AKT3: variants seen among roughly 807,000 people sequenced by gnomAD.
AKT3 encodes the protein AKT serine/threonine kinase 3, also known as RAC-gamma serine/threonine-protein kinase.
Under a neutral mutation model 65.3 loss-of-function variants are expected in AKT3, and 15 were observed. The observed-to-expected ratio is 0.23, with a 90% CI of 0.15 to 0.35. AKT3 has a LOEUF of 0.35. Among genes scored for constraint, AKT3 ranks in the 10% least tolerant of loss-of-function variants. The pLI is 1.00. For missense variants in AKT3, 243 were observed against 576.5 expected (o/e 0.42, Z 5.92); for synonymous variants, 206 against 183.8 (o/e 1.12, Z -0.98).
downstream of AKT3, among the ~76,000 whole-genome samples, chr1:243,498,903 C>T (rs1401521016): frequency 6.6e-6 from 1 of 152,236 alleles, no homozygotes; most frequent in Non-Finnish European, 1.5e-5. Flanking sequence ...GACGTAGAAA[C>T]CGGGATTTGG....
At chr1:243,781,392 A>G (rs1216989957) in intron 2 of AKT3, among the ~76,000 whole-genome samples, 2 of 151,674 alleles carry the variant, frequency 1.3e-5, no homozygotes, top group African/African-American at 4.8e-5. Context: ...TTTACTTCAC[A>G]TTTTCCTCCT....
intron 2 of AKT3, among the ~76,000 whole-genome samples, chr1:243,783,823 G>C (rs2148316490): frequency 6.6e-6 from 1 of 152,102 alleles, no homozygotes; most frequent in Non-Finnish European, 1.5e-5. Flanking sequence ...ATAGAAAGCA[G>C]TACCATACAC....
chr1:243,653,575 G>C (rs138380622), intron 4 of AKT3, among the ~76,000 whole-genome samples: 29 of 152,244 alleles, frequency 1.9e-4, no homozygotes, highest in African/African-American at 6.7e-4. Context: ...CGTCTCTTCT[G>C]CCACTTTTGA....
intron 9 of AKT3, among the ~76,000 whole-genome samples, chr1:243,568,970 C>T (rs769809458): frequency 1.3e-5 from 2 of 152,168 alleles, no homozygotes; most frequent in Non-Finnish European, 2.9e-5. Flanking sequence ...TGTGATTAAA[C>T]AAAGGAATGA....
intron 13 of AKT3, among the ~76,000 whole-genome samples, chr1:243,508,865 C>T (rs988286395): frequency 2.0e-5 from 3 of 151,786 alleles, no homozygotes; most frequent in Non-Finnish European, 4.4e-5. Flanking sequence ...GAGGGGGTTT[C>T]ACCATGTTGG....
intron 12 of AKT3, among the ~76,000 whole-genome samples, chr1:243,544,161 T>C (rs1672497778): frequency 1.3e-5 from 2 of 149,256 alleles, no homozygotes; most frequent in South Asian, 4.2e-4. Flanking sequence ...TGAAAAACAT[T>C]TCATAGTAAA....
intron 4 of AKT3, among the ~76,000 whole-genome samples, chr1:243,658,748 G>T (rs553178512): frequency 6.7e-6 from 1 of 149,794 alleles, no homozygotes; most frequent in East Asian, 2.0e-4. Flanking sequence ...AATGAATAAA[G>T]AAAATGTATT....
chr1:243,699,172 CTTTTA>C (rs1272197736), intron 2 of AKT3, among the ~76,000 whole-genome samples: 3 of 151,970 alleles, frequency 2.0e-5, no homozygotes, highest in Non-Finnish European at 4.4e-5. Context: ...AAAAGTCAAT[CTTTTA>C]TTTTAAACAC....
chr1:243,809,240 T>C (rs746942501), intron 2 of AKT3, among the ~76,000 whole-genome samples: 35 of 152,202 alleles, frequency 2.3e-4, no homozygotes, highest in Admixed American at 7.8e-4. Flanking sequence ...GACTGGCAAA[T>C]TGGATAAACA....
At chr1:243,570,158 A>T (rs1457369378) in intron 9 of AKT3, among the ~76,000 whole-genome samples, 1 of 152,262 alleles carries the variant, frequency 6.6e-6, no homozygotes, top group Non-Finnish European at 1.5e-5. Flanking sequence ...GTTAACCTGC[A>T]CATAAAAGAA....
chr1:243,685,797 G>A (rs149369329), intron 3 of AKT3, among the ~76,000 whole-genome samples: 2 of 152,120 alleles, frequency 1.3e-5, no homozygotes, highest in Non-Finnish European at 2.9e-5. Flanking sequence ...ATTCAAATAG[G>A]AAGAGAGGAA....
At chr1:243,779,066 T>C (rs1690743240) in intron 2 of AKT3, among the ~76,000 whole-genome samples, 1 of 152,140 alleles carries the variant, frequency 6.6e-6, no homozygotes, top group Non-Finnish European at 1.5e-5. Flanking sequence ...ATGCTGTATG[T>C]TGTCTTGGCA....
intron 6 of AKT3, among the ~76,000 whole-genome samples, chr1:243,621,321 T>C (rs1345276966): frequency 6.6e-6 from 1 of 152,194 alleles, no homozygotes; most frequent in Non-Finnish European, 1.5e-5. Flanking sequence ...TTTAACACAT[T>C]TGATCACTCC....
At position 243,572,006 on chromosome 1, in the gene AKT3, T is replaced by C. The variant is rs1674597339; in HGVS notation, c.819+920A>G. ...CTACCAATCATTACGTTACATGAAA[T>C]AGTATTTGATCAATAAGGCAATTCT... On this transcript the variant is annotated intron_variant, in intron 9 of 13. Coordinates refer to ENST00000673466, the MANE Select transcript of AKT3 (RefSeq NM_005465.7). Among the ~76,000 whole-genome samples the C allele has an allele frequency of 2.0e-5, 3 of 152,228 alleles. No individual in the cohort carries two copies. The South Asian group carries it at 6.2e-4, about 31-fold the overall frequency.
chr1:243,627,550 A>C (rs1204759112), intron 6 of AKT3, among the ~76,000 whole-genome samples: 1 of 152,214 alleles, frequency 6.6e-6, no homozygotes, highest in African/African-American at 2.4e-5. Context: ...ATACAATAAT[A>C]TACTACACTG....
At chr1:243,498,897 T>A (rs908980861), downstream of AKT3, among the ~76,000 whole-genome samples, 2 of 152,218 alleles carry the variant, frequency 1.3e-5, no homozygotes, top group African/African-American at 4.8e-5. Context: ...TTATCTGACG[T>A]AGAAACCGGG....
chr1:243,492,756 T>C (rs1428764981), intron 13 of AKT3, among the ~76,000 whole-genome samples: 1 of 151,606 alleles, frequency 6.6e-6, no homozygotes. Flanking sequence ...TACAGGTGCC[T>C]GCCACCACGC....
At chr1:243,656,021 T>C (rs1276125119) in intron 4 of AKT3, among the ~76,000 whole-genome samples, 1 of 149,914 alleles carries the variant, frequency 6.7e-6, no homozygotes, top group African/African-American at 2.5e-5. Flanking sequence ...GGTAGTTAGC[T>C]GGACTACTGA....
rs140431114 is a variant in AKT3, at chr1:243,526,475, C to T, written c.1252-14049G>A. On this transcript the variant is annotated intron_variant, in intron 12 of 13. Coordinates refer to ENST00000673466, the MANE Select transcript of AKT3 (RefSeq NM_005465.7). ...TGAATGAGCTACAAAATGGCTGTTCCGTCACGTCTATCCTCCAAATCTCCC... is the reference window on the plus strand; with the variant it reads ...TGAATGAGCTACAAAATGGCTGTTCTGTCACGTCTATCCTCCAAATCTCCC... Among the ~76,000 whole-genome samples, 755 of 152,100 alleles carry T rather than the reference C, an allele frequency of 5.0e-3. 8 individuals carry two copies. Among genetic ancestry groups the T allele is most frequent in the African/African-American group, 0.017 (722 of 41,494 alleles).
Sources: allele counts gnomAD v4.1 joint callset (sites outside exome capture counted in the v4.1 genomes callset), GRCh38; gene constraint gnomAD v4.1.1; transcripts MANE v1.5; gene names NCBI Gene and HGNC (gene_info 2026-07-23, HGNC 2026-07-21).